The following NOX4 variants were observed in gnomAD, a reference collection of about 807,000 sequenced individuals.
NOX4 encodes NADPH oxidase 4.
In NOX4, 69 loss-of-function variants were observed where a neutral mutation model predicts 87.6. The ratio of observed to expected loss-of-function variants is 0.79; its 90% CI spans 0.65 to 0.96. The LOEUF (loss-of-function observed/expected upper bound fraction) is 0.96. Ranked by LOEUF, NOX4 falls within the 40% of genes least tolerant of loss-of-function variation. The pLI, the probability that NOX4 is intolerant of heterozygous loss-of-function variation, is 0.00. For synonymous variants in NOX4, 275 were observed against 238.2 expected (o/e 1.15, Z -1.42); for missense variants, 680 against 681.5 (o/e 1.00, Z 0.02).
the NOX4 span, among the ~76,000 whole-genome samples, chr11:89,520,494 A>G: frequency 7.2e-5 from 11 of 152,280 alleles, no homozygotes; most frequent in Admixed American, 7.2e-4. Context: ...AAAGCTAAGA[A>G]ATAAAAAGTT....
At chr11:89,460,756 C>T (rs1945423653) in intron 2 of NOX4, among the ~76,000 whole-genome samples, 2 of 152,098 alleles carry the variant, frequency 1.3e-5, no homozygotes, top group African/African-American at 4.8e-5. Flanking sequence ...GTGGTGATTC[C>T]TCAGGGATCT....
At chr11:89,511,651 C>G in the NOX4 span, among the ~76,000 whole-genome samples, 523 of 152,092 alleles carry the variant, frequency 3.4e-3, 8 homozygotes, top group East Asian at 0.056. Context: ...TAAATAATAT[C>G]AGATTTGGCC....
At position 89,441,558 on chromosome 11, in the gene NOX4, A is replaced by C. The variant is rs186119190; in HGVS notation, c.448-843T>G. Among the ~76,000 whole-genome samples the C allele has an allele frequency of 1.6e-3, 239 of 152,296 alleles. 1 individual carries two copies. The highest frequency in any genetic ancestry group is 3.4e-3 in the Middle Eastern group (1 of 294). ...ACCACTTGCTTAGGAATAGCTCCTC[A>C]CCTGGCTTAATTCAATTGACTTCTA... On this transcript the variant is annotated intron_variant, in intron 5 of 17. Transcript: ENST00000263317.
chr11:89,449,409 C>G (rs1434730194), intron 4 of NOX4, 31 bp downstream of exon 4: 1 of 1,483,298 alleles, frequency 6.7e-7, no homozygotes, highest in Non-Finnish European at 9.3e-7. Flanking sequence ...GTAATTCTAA[C>G]AAATTATTTA....
the NOX4 span, among the ~76,000 whole-genome samples, chr11:89,576,419 T>C: frequency 6.6e-6 from 1 of 152,216 alleles, no homozygotes; most frequent in South Asian, 2.1e-4. Context: ...ATCATTTAAA[T>C]TGTATTTCTG....
intron 6 of NOX4, among the ~76,000 whole-genome samples, chr11:89,440,259 T>C (rs1280680857): frequency 6.6e-6 from 1 of 152,218 alleles, no homozygotes; most frequent in Non-Finnish European, 1.5e-5. Context: ...CCATATGTTA[T>C]ATTTGTAACA....
intron 2 of NOX4, among the ~76,000 whole-genome samples, chr11:89,466,622 T>TC (rs1945708199): frequency 6.6e-6 from 1 of 152,194 alleles, no homozygotes; most frequent in African/African-American, 2.4e-5. Flanking sequence ...CACTAGGAGT[T>TC]CAATAGTGAA....
intron 13 of NOX4, among the ~76,000 whole-genome samples, chr11:89,342,529 A>G (rs1410051633): frequency 1.3e-5 from 2 of 152,154 alleles, no homozygotes; most frequent in Admixed American, 6.5e-5. Context: ...CATATATTAG[A>G]CTATATATGA....
chr11:89,407,409 T>G (rs1591145928), intron 8 of NOX4, among the ~76,000 whole-genome samples: 1 of 152,094 alleles, frequency 6.6e-6, no homozygotes, highest in Non-Finnish European at 1.5e-5. Context: ...ATTAATGTTT[T>G]AAGTTTCATT....
chr11:89,353,645 C>T (rs751848322), intron 13 of NOX4, among the ~76,000 whole-genome samples: 1 of 152,032 alleles, frequency 6.6e-6, no homozygotes, highest in Non-Finnish European at 1.5e-5. Context: ...GAATCAAACC[C>T]ACAATATCTC....
chr11:89,554,921 T>TG, the NOX4 span, among the ~76,000 whole-genome samples: 2 of 151,764 alleles, frequency 1.3e-5, no homozygotes, highest in East Asian at 3.9e-4. Flanking sequence ...TTAAATTTAG[T>TG]GAAAAAAAAA....
chr11:89,514,788 C>T, the NOX4 span, among the ~76,000 whole-genome samples: 31 of 151,996 alleles, frequency 2.0e-4, no homozygotes, highest in African/African-American at 7.0e-4. Flanking sequence ...GTTAAACTAA[C>T]CTTGCATTCC....
At chr11:89,588,718 AG>A in the NOX4 span, among the ~76,000 whole-genome samples, 1 of 152,090 alleles carries the variant, frequency 6.6e-6, no homozygotes, top group South Asian at 2.1e-4. Context: ...TTTGCCTAGG[AG>A]GTTACATGGG....
At chr11:89,534,211 TC>T in the NOX4 span, among the ~76,000 whole-genome samples, 1 of 152,228 alleles carries the variant, frequency 6.6e-6, no homozygotes, top group African/African-American at 2.4e-5. Flanking sequence ...GACTTTGTGT[TC>T]CTGCCTTTGT....
intron 13 of NOX4, among the ~76,000 whole-genome samples, chr11:89,351,896 C>T (rs1946471687): frequency 1.3e-5 from 2 of 152,138 alleles, no homozygotes; most frequent in South Asian, 2.1e-4. Flanking sequence ...GAAAATACTG[C>T]ATATACACAT....
At position 89,383,136 on chromosome 11, in the gene NOX4, A is replaced by C. The variant is rs187845512; in HGVS notation, c.1075-9644T>G. Reference sequence around the variant, plus strand: ...GATGTTCAATAACAGAGGAGTTGCAATTACTTGCCTGTGCTGTAAGAGAAA... The same window carrying C: ...GATGTTCAATAACAGAGGAGTTGCACTTACTTGCCTGTGCTGTAAGAGAAA... On this transcript the variant is annotated intron_variant, in intron 11 of 17. Coordinates refer to ENST00000263317, the MANE Select transcript of NOX4 (RefSeq NM_016931.5). 1.4e-4 allele frequency among the ~76,000 whole-genome samples: 22 copies of C among 152,238 alleles called. 1 individual carries two copies. Among genetic ancestry groups the C allele is most frequent in the African/African-American group, 5.3e-4 (22 of 41,564 alleles).
At chr11:89,480,022 C>T (rs1209624837) in intron 2 of NOX4, among the ~76,000 whole-genome samples, 5 of 152,088 alleles carry the variant, frequency 3.3e-5, no homozygotes, top group South Asian at 2.1e-4. Flanking sequence ...CAGGAAAAGT[C>T]GGTCCTTAGT....
chr11:89,364,364 C>G (rs1266271808), intron 12 of NOX4, among the ~76,000 whole-genome samples: 2 of 151,788 alleles, frequency 1.3e-5, no homozygotes, highest in African/African-American at 4.8e-5. Flanking sequence ...AATCTTGTGT[C>G]ATAAGATTCT....
the NOX4 span, among the ~76,000 whole-genome samples, chr11:89,505,392 C>T: frequency 3.3e-5 from 5 of 151,742 alleles, no homozygotes; most frequent in African/African-American, 1.2e-4. Flanking sequence ...TAAATAATAA[C>T]ATTAATCGGT....
Sources: allele counts gnomAD v4.1 joint callset (sites outside exome capture counted in the v4.1 genomes callset), GRCh38; gene constraint gnomAD v4.1.1; transcripts MANE v1.5; gene names NCBI Gene and HGNC (gene_info 2026-07-23, HGNC 2026-07-21).